The following USP13 variants were observed in gnomAD, a reference collection of about 807,000 sequenced individuals.
The protein encoded by USP13 is ubiquitin carboxyl-terminal hydrolase 13.
USP13 carries 68 observed loss-of-function variants against 107.8 expected under a neutral mutation model. The observed-to-expected ratio is 0.63, with a 90% CI of 0.52 to 0.77. The LOEUF (loss-of-function observed/expected upper bound fraction) is 0.77. USP13 is among the 30% of genes least tolerant of loss of function. The pLI is 0.00. For synonymous variants in USP13, 377 were observed against 389.5 expected (o/e 0.97, Z 0.38); for missense variants, 945 against 1,093.3 (o/e 0.86, Z 1.91).
At chr3:179,677,585 T>G (rs1446482974) in intron 1 of USP13, among the ~76,000 whole-genome samples, 2 of 151,576 alleles carry the variant, frequency 1.3e-5, no homozygotes, top group East Asian at 3.9e-4. Flanking sequence ...AATGAGAAAA[T>G]AAAATAAAAT....
chr3:179,747,055 G>C (rs1215767454), intron 13 of USP13, among the ~76,000 whole-genome samples: 1 of 152,140 alleles, frequency 6.6e-6, no homozygotes. Context: ...GTTCATTCAG[G>C]TATCAGTTGC....
chr3:179,788,067 G>A lies in USP13; in HGVS notation c.*3926G>A, dbSNP rs754958785. On this transcript the variant is annotated 3_prime_UTR_variant, in exon 21 of 21. Coordinates refer to ENST00000263966, the MANE Select transcript of USP13 (RefSeq NM_003940.3). Reference sequence around the variant, plus strand: ...TAGAATATTTTGAAATTCTGGAAGAGGATGGGAAACAAAATTCTAATTTAG... The same window carrying A: ...TAGAATATTTTGAAATTCTGGAAGAAGATGGGAAACAAAATTCTAATTTAG... 10 of 152,196 alleles carry A rather than the reference G, an allele frequency of 6.6e-5. No homozygotes were observed. The highest frequency in any genetic ancestry group is 1.0e-4 in the Non-Finnish European group (7 of 68,046). 9.4% of individuals were successfully genotyped at this position (152,196 alleles called of 1,614,324 possible). A position where few individuals can be genotyped will look rare whatever the true frequency, so the allele number is the denominator to read the frequency against.
chr3:179,740,300 C>G lies in USP13; in HGVS notation c.1308C>G (p.Ser436Arg). The G allele has an allele frequency of 6.2e-7, 1 of 1,614,116 alleles. No individual in the cohort carries two copies. The highest frequency in any genetic ancestry group is 8.5e-7 in the Non-Finnish European group (1 of 1,180,028). Residue 436 changes from serine to arginine, a missense_variant, in exon 11 of 21, where the codon AGC becomes AGG. Physicochemically the swap from Ser to Arg is moderately radical, Grantham distance 110. Transcript: ENST00000263966. ...TGTTTAAGGCCTTTGTAAGCAAGAG[C>G]CACCCGGAATTCTCCTCTAACAGGC... ...PRMFKAFVSK[S>R]HPEFSSNRQQ...
chr3:179,657,061 C>A (rs899436152), intron 1 of USP13, among the ~76,000 whole-genome samples: 4 of 152,196 alleles, frequency 2.6e-5, no homozygotes, highest in Non-Finnish European at 5.9e-5. Flanking sequence ...GTGTTTGAAT[C>A]CTATCTCCGT....
rs751232475 is a variant in USP13 at position 179,721,566 on chromosome 3, C to T, written c.1065C>T (p.Phe355=). The T allele has an allele frequency of 1.9e-6, 3 of 1,613,722 alleles. No individual in the cohort carries two copies. Among genetic ancestry groups the T allele is most frequent in the Non-Finnish European group, 2.5e-6 (3 of 1,180,014 alleles). ...CYLSSVMQAI[F]SIPEFQRAYV... The stretch of plus-strand genomic sequence containing the variant: ...TCAGCTCTGTCATGCAGGCCATCTT[C>T]AGCATCCCAGAATTCCAGAGAGCGT... The change falls in exon 8 of 21, where the codon TTC becomes TTT. Residue 355 remains phenylalanine (F), a synonymous_variant. Coordinates refer to ENST00000263966, the MANE Select transcript of USP13 (RefSeq NM_003940.3). This position sits in a 1 kb window ranked among gnomAD's most constrained non-coding sequence, Gnocchi z 4.3.
intron 10 of USP13, among the ~76,000 whole-genome samples, chr3:179,739,346 C>G (rs569714809): frequency 1.8e-4 from 28 of 152,328 alleles, no homozygotes; most frequent in Admixed American, 1.8e-3. Flanking sequence ...GGGGCAAGCC[C>G]TCTACAAGCT....
Position 179,653,660 on chromosome 3 carries a change from C to G in USP13, c.168+267C>G, listed in dbSNP as rs1157988755. On this transcript the variant is annotated intron_variant, in intron 1 of 20. Coordinates refer to ENST00000263966, the MANE Select transcript of USP13 (RefSeq NM_003940.3). This position sits in a 1 kb window ranked among gnomAD's most constrained non-coding sequence, Gnocchi z 4.0. The stretch of plus-strand genomic sequence containing the variant: ...AGCAGCTTGCACACAGCCCCGCCGC[C>G]GTTTAAAGATAGATGAAATACAAGA... 1 of 465,242 alleles carries G rather than the reference C, an allele frequency of 2.1e-6. No individual in the cohort carries two copies. Among genetic ancestry groups the G allele is most frequent in the Non-Finnish European group, 3.9e-6 (1 of 259,648 alleles). 28.8% of individuals were successfully genotyped at this position (465,242 alleles called of 1,614,324 possible).
intron 1 of USP13, among the ~76,000 whole-genome samples, chr3:179,664,840 C>T (rs538439471): frequency 2.6e-5 from 4 of 152,192 alleles, no homozygotes; most frequent in Non-Finnish European, 4.4e-5. Context: ...GTAATCCCAG[C>T]ACTTTGGGAG....
At chr3:179,693,820 C>T (rs1205429110) in intron 3 of USP13, among the ~76,000 whole-genome samples, 1 of 151,286 alleles carries the variant, frequency 6.6e-6, no homozygotes, top group Non-Finnish European at 1.5e-5. Flanking sequence ...ATTACAGGTG[C>T]CCACCACCAT....
At chr3:179,752,811 A>G (rs767734153) in intron 14 of USP13, among the ~76,000 whole-genome samples, 14 of 152,230 alleles carry the variant, frequency 9.2e-5, no homozygotes, top group Admixed American at 2.6e-4. Flanking sequence ...CCAGTGGTTG[A>G]AGATGCAGTC....
intron 1 of USP13, among the ~76,000 whole-genome samples, chr3:179,661,620 G>A (rs1720458811): frequency 6.6e-6 from 1 of 152,020 alleles, no homozygotes; most frequent in Admixed American, 6.6e-5. Context: ...ATACAGGCCT[G>A]TCTACCAGTA....
At chr3:179,677,974 C>T (rs1036451990) in intron 1 of USP13, among the ~76,000 whole-genome samples, 2 of 152,134 alleles carry the variant, frequency 1.3e-5, no homozygotes, top group Non-Finnish European at 2.9e-5. Context: ...ACAGAAAGCA[C>T]TTTGATATAT....
intron 3 of USP13, among the ~76,000 whole-genome samples, chr3:179,699,616 C>G (rs940049409): frequency 4.7e-5 from 7 of 147,786 alleles, no homozygotes; most frequent in Admixed American, 2.1e-4. Context: ...GGGAGGATAG[C>G]TAGAGCTTGG....
intron 16 of USP13, among the ~76,000 whole-genome samples, chr3:179,758,514 T>C (rs1175001073): frequency 6.6e-6 from 1 of 152,180 alleles, no homozygotes; most frequent in Non-Finnish European, 1.5e-5. Context: ...TTTTTTTTTT[T>C]TTGAGACGGA....
At position 179,721,632 on chromosome 3, in the gene USP13, G is replaced by A. The variant is rs371829612; in HGVS notation, c.1088+43G>A. On this transcript the variant is annotated intron_variant, in intron 8 of 20. Transcript: ENST00000263966. This position sits in a 1 kb window ranked among gnomAD's most constrained non-coding sequence, Gnocchi z 4.3. The stretch of plus-strand genomic sequence containing the variant: ...AGACCAGGGCACGCGGCACCTCCCT[G>A]CCCCATCTAGGTCCAGTCCACTCAG... The A allele has an allele frequency of 4.8e-5, 76 of 1,593,046 alleles. No individual in the cohort carries two copies. In the East Asian group the frequency reaches 7.8e-4, roughly 16 times the overall value.
chr3:179,657,868 TGGA>T (rs905682925), intron 1 of USP13, among the ~76,000 whole-genome samples: 1 of 150,956 alleles, frequency 6.6e-6, no homozygotes, highest in African/African-American at 2.4e-5. Context: ...TGTGCTTAAG[TGGA>T]GGAGGGATGT....
At chr3:179,677,832 C>G (rs1158655369) in intron 1 of USP13, among the ~76,000 whole-genome samples, 1 of 152,070 alleles carries the variant, frequency 6.6e-6, no homozygotes, top group African/African-American at 2.4e-5. Context: ...TTACTCCCAG[C>G]CTATGTGGCT....
chr3:179,774,295 G>A (rs78403576), intron 19 of USP13, among the ~76,000 whole-genome samples: 4,404 of 152,276 alleles, frequency 0.029, 131 homozygotes, highest in Middle Eastern at 0.14. Flanking sequence ...CACTATGTCC[G>A]GAATTGGTGG....
chr3:179,783,259 A>G (rs1344045006), intron 20 of USP13, among the ~76,000 whole-genome samples: 7 of 152,156 alleles, frequency 4.6e-5, no homozygotes, highest in Admixed American at 3.3e-4. Flanking sequence ...AACAATAACC[A>G]TTGTCTACAT....
Sources: gnomAD v4.1 joint callset for allele counts (sites outside exome capture counted in the v4.1 genomes callset) on GRCh38, gnomAD v4.1.1 for gene constraint, Gnocchi (gnomAD v3.1) non-coding constraint, MANE v1.5 for transcripts, NCBI Gene and HGNC (gene_info 2026-07-23, HGNC 2026-07-21) for gene names.